The following TULP4 variants were observed in gnomAD, a reference collection of about 807,000 sequenced individuals.
TULP4 encodes the protein tubby-related protein 4.
In TULP4, 16 loss-of-function variants were observed where a neutral mutation model predicts 129.0. The observed-to-expected ratio is 0.12, with a 90% CI of 0.08 to 0.19. The LOEUF (loss-of-function observed/expected upper bound fraction) is 0.19. Among genes scored for constraint, TULP4 ranks in the 10% least tolerant of loss-of-function variants. The probability of loss-of-function intolerance (pLI) is 1.00; values close to 1 mark genes in which losing one functional copy is unlikely to be tolerated. For synonymous variants in TULP4, 998 were observed against 854.0 expected (o/e 1.17, Z -2.94); for missense variants, 1,842 against 2,059.1 (o/e 0.89, Z 2.04).
intron 1 of TULP4, among the ~76,000 whole-genome samples, chr6:158,351,707 C>CT (rs1160814801): frequency 0.29 from 14,696 of 50,412 alleles, 5,916 homozygotes; most frequent in East Asian, 0.35. Context: ...TGTTGTTAAA[C>CT]TTTTTTTTTT....
chr6:158,357,363 CATTT>C (rs1780672902), intron 1 of TULP4, among the ~76,000 whole-genome samples: 1 of 152,176 alleles, frequency 6.6e-6, no homozygotes, highest in Admixed American at 6.5e-5. Context: ...CAGGCAGAGT[CATTT>C]GTTTGTGGTC....
rs143952214 is a variant in TULP4 at position 158,396,396 on chromosome 6, G to A, written c.253-16669G>A. Among the ~76,000 whole-genome samples the A allele has an allele frequency of 6.6e-5, 10 of 152,246 alleles. No individual in the cohort carries two copies. In the East Asian group the frequency reaches 7.7e-4, roughly 12 times the overall value. Reference sequence around the variant, plus strand: ...TATTTACACAGAGCTTAAACCGTGCGTGTTTTCTTTGAGGCAGTGGTCCAT... The same window carrying A: ...TATTTACACAGAGCTTAAACCGTGCATGTTTTCTTTGAGGCAGTGGTCCAT... On this transcript the variant is annotated intron_variant, in intron 1 of 13. Transcript: ENST00000367097.
At chr6:158,355,026 G>A (rs1780613049) in intron 1 of TULP4, among the ~76,000 whole-genome samples, 1 of 152,122 alleles carries the variant, frequency 6.6e-6, no homozygotes, top group Non-Finnish European at 1.5e-5. Context: ...TTCTTCAGGG[G>A]ATGATTCAGA....
At chr6:158,350,739 A>C (rs1321723075) in intron 1 of TULP4, among the ~76,000 whole-genome samples, 1 of 148,742 alleles carries the variant, frequency 6.7e-6, no homozygotes, top group East Asian at 2.0e-4. Flanking sequence ...GGAAGAGGGG[A>C]GAGGGGAGAT....
At chr6:158,275,127 A>G (rs1302533678) in intron 1 of TULP4, among the ~76,000 whole-genome samples, 1 of 152,232 alleles carries the variant, frequency 6.6e-6, no homozygotes, top group Admixed American at 6.5e-5. Context: ...ACTAGACTGG[A>G]ACACAGTCCA....
At chr6:158,257,535 C>G (rs9348210) in intron 1 of TULP4, among the ~76,000 whole-genome samples, 50,029 of 152,120 alleles carry the variant, frequency 0.33, 9,224 homozygotes, top group Admixed American at 0.45. Flanking sequence ...CAGGTGCTTT[C>G]ATGGACTTTA....
At chr6:158,390,366 T>G (rs894146776) in intron 1 of TULP4, among the ~76,000 whole-genome samples, 3 of 151,486 alleles carry the variant, frequency 2.0e-5, no homozygotes, top group Non-Finnish European at 1.5e-5. Context: ...TTTGCAGATC[T>G]TAAAAAAAAA....
chr6:158,438,566 AGTTTGTTTGTTTGTTT>A (rs140886476), intron 3 of TULP4, among the ~76,000 whole-genome samples: 2 of 141,806 alleles, frequency 1.4e-5, no homozygotes, highest in African/African-American at 2.7e-5. Flanking sequence ...AAAACACCAC[AGTTTGTTTGTTTGTTT>A]GTTTGTTTGT....
intron 1 of TULP4, among the ~76,000 whole-genome samples, chr6:158,299,933 A>AT (rs1280850439): frequency 1.3e-5 from 2 of 152,198 alleles, no homozygotes; most frequent in Non-Finnish European, 2.9e-5. Flanking sequence ...GGGGGATGTT[A>AT]TTTTCAGGCT....
chr6:158,422,533 T>A (rs1018254133), intron 2 of TULP4, among the ~76,000 whole-genome samples: 1 of 152,194 alleles, frequency 6.6e-6, no homozygotes, highest in Non-Finnish European at 1.5e-5. Context: ...CAGGCCAGTT[T>A]AGACAAAACA....
In TULP4 at chr6:158,504,268, T is replaced by C. The variant is rs1053399971; in HGVS notation, c.4515+90T>C. 6.5e-6 allele frequency: 7 copies of C among 1,075,230 alleles called. No homozygotes were observed. The Admixed American group carries it at 1.1e-4, about 18-fold the overall frequency. The allele number at this position is 1,075,230 out of a possible 1,614,324, so 66.6% of individuals were successfully genotyped here. On this transcript the variant is annotated intron_variant, in intron 13 of 13. Coordinates refer to ENST00000367097, the MANE Select transcript of TULP4 (RefSeq NM_020245.5). ...AAGGAGCATTTTTCAAAAGGCCAAA[T>C]GGGAAATGTGGAAAACAACGAACAC...
At chr6:158,363,210 A>G (rs1468948392) in intron 1 of TULP4, among the ~76,000 whole-genome samples, 1 of 152,114 alleles carries the variant, frequency 6.6e-6, no homozygotes, top group Non-Finnish European at 1.5e-5. Flanking sequence ...GGCTGTGTGT[A>G]CAGTGTTACA....
At position 158,503,674 on chromosome 6, in the gene TULP4, C is replaced by T. The variant is rs1354305169; in HGVS notation, c.4011C>T (p.Asn1337=). 1 of 1,613,986 alleles carries T rather than the reference C, an allele frequency of 6.2e-7. No individual in the cohort carries two copies. The highest frequency in any genetic ancestry group is 8.5e-7 in the Non-Finnish European group (1 of 1,180,010). Residue 1337 remains asparagine (N), a synonymous_variant, in exon 13 of 14, where the codon AAC becomes AAT. Transcript: ENST00000367097. The surrounding 1 kb of genome is among the most constrained non-coding windows in gnomAD (Gnocchi z 4.3). ...GGACAGAAAAATTTGGAAAGAAGAA[C>T]CGGAAGCGCCTGGACAGCCGAGCAG... ...PQRTEKFGKK[N]RKRLDSRAEE...
chr6:158,326,989 GATTTGAGT>G (rs1177465966), intron 1 of TULP4, among the ~76,000 whole-genome samples: 1 of 152,126 alleles, frequency 6.6e-6, no homozygotes, highest in Non-Finnish European at 1.5e-5. Context: ...CTGACTGCGG[GATTTGAGT>G]ATGTGAGAAT....
At chr6:158,357,158 C>CT (rs547347046) in intron 1 of TULP4, among the ~76,000 whole-genome samples, 145 of 152,370 alleles carry the variant, frequency 9.5e-4, no homozygotes, top group African/African-American at 3.2e-3. Context: ...CTGCAGCACC[C>CT]TCTCTGGATA....
intron 1 of TULP4, among the ~76,000 whole-genome samples, chr6:158,399,830 T>C (rs1157256240): frequency 2.6e-5 from 4 of 152,208 alleles, no homozygotes; most frequent in Admixed American, 2.6e-4. Flanking sequence ...TTGGAACTCT[T>C]ACACTGTACT....
intron 1 of TULP4, among the ~76,000 whole-genome samples, chr6:158,370,761 G>A (rs959746615): frequency 6.6e-6 from 1 of 152,188 alleles, no homozygotes; most frequent in Non-Finnish European, 1.5e-5. Flanking sequence ...CCAAGTTTAA[G>A]CAGGGGTACC....
chr6:158,495,026 A>T (rs761682516), intron 11 of TULP4, among the ~76,000 whole-genome samples, 180 bp downstream of exon 11: 44 of 152,056 alleles, frequency 2.9e-4, no homozygotes, highest in Non-Finnish European at 4.9e-4. Context: ...ATTCTCACTC[A>T]CATTGGCTTT....
At chr6:158,323,685 A>G (rs9355649) in intron 1 of TULP4, among the ~76,000 whole-genome samples, 147,179 of 152,342 alleles carry the variant, frequency 0.97, 71,165 homozygotes, top group East Asian at 1. Context: ...GGTAATAGGG[A>G]CTGAGAAGCT....
Sources: gnomAD v4.1 joint callset for allele counts (sites outside exome capture counted in the v4.1 genomes callset) on GRCh38, gnomAD v4.1.1 for gene constraint, Gnocchi (gnomAD v3.1) non-coding constraint, MANE v1.5 for transcripts, NCBI Gene and HGNC (gene_info 2026-07-23, HGNC 2026-07-21) for gene names.